VAV2: variants seen among roughly 807,000 people sequenced by gnomAD.
VAV2 encodes guanine nucleotide exchange factor VAV2.
VAV2 carries 67 observed loss-of-function variants against 132.5 expected under a neutral mutation model. That is an observed-to-expected ratio of 0.51 (90% CI 0.42 to 0.62). The LOEUF is 0.62. VAV2 is among the 20% of genes least tolerant of loss of function. The probability of loss-of-function intolerance (pLI) is 0.00; values close to 1 mark genes in which losing one functional copy is unlikely to be tolerated. For synonymous variants in VAV2, 492 were observed against 443.5 expected (o/e 1.11, Z -1.37); for missense variants, 938 against 1,153.6 (o/e 0.81, Z 2.71).
chr9:133,780,043 T>G (rs1426247188), intron 20 of VAV2, 104 bp from the exon 21 acceptor site: 2 of 1,510,368 alleles, frequency 1.3e-6, no homozygotes, highest in African/African-American at 1.4e-5. Flanking sequence ...AGTTCCTAGA[T>G]AGAGGGGTCA....
At chr9:133,813,341 G>A (rs956183140) in intron 4 of VAV2, among the ~76,000 whole-genome samples, 2 of 152,240 alleles carry the variant, frequency 1.3e-5, no homozygotes, top group African/African-American at 2.4e-5. Flanking sequence ...AGAAGCCGGG[G>A]CAGGAGCAAT....
At chr9:133,957,424 T>A (rs1286537221) in intron 1 of VAV2, among the ~76,000 whole-genome samples, 3 of 152,078 alleles carry the variant, frequency 2.0e-5, no homozygotes, top group Non-Finnish European at 2.9e-5. Flanking sequence ...TTTAGGGGTT[T>A]TTTATGTGTG....
intron 2 of VAV2, among the ~76,000 whole-genome samples, chr9:133,906,598 C>T (rs533697122): frequency 3.9e-5 from 6 of 152,278 alleles, no homozygotes; most frequent in African/African-American, 1.4e-4. Flanking sequence ...CATGGTTGGG[C>T]GGAGCCTCAA....
At chr9:133,913,674 G>C (rs907203090) in intron 2 of VAV2, among the ~76,000 whole-genome samples, 1 of 152,190 alleles carries the variant, frequency 6.6e-6, no homozygotes, top group African/African-American at 2.4e-5. Flanking sequence ...TACAGGGAGG[G>C]GGCAAAGTCA....
chr9:133,917,323 G>A (rs1182967424), intron 2 of VAV2, among the ~76,000 whole-genome samples: 3 of 152,104 alleles, frequency 2.0e-5, no homozygotes, highest in East Asian at 1.9e-4. Flanking sequence ...TACCTACGCC[G>A]ACAGGGACAA....
chr9:133,935,632 G>T lies in VAV2; in HGVS notation c.321+3471C>A, dbSNP rs975738651. Among the ~76,000 whole-genome samples, 1 of 152,222 alleles carries T rather than the reference G, an allele frequency of 6.6e-6. No homozygotes were observed. The highest frequency in any genetic ancestry group is 6.5e-5 in the Admixed American group (1 of 15,286). Reference sequence around the variant, plus strand: ...ACCTGTCCCGGAGAAGCCAGGAGGCGCTGGCAGAGCAGAACCGTCAGGCTC... The same window carrying T: ...ACCTGTCCCGGAGAAGCCAGGAGGCTCTGGCAGAGCAGAACCGTCAGGCTC... On this transcript the variant is annotated intron_variant, in intron 2 of 29. Coordinates refer to ENST00000371850, the MANE Select transcript of VAV2 (RefSeq NM_001134398.2). The surrounding 1 kb of genome is among the most constrained non-coding windows in gnomAD (Gnocchi z 5.2).
chr9:133,901,409 A>G (rs1839436715), intron 2 of VAV2, among the ~76,000 whole-genome samples: 1 of 152,204 alleles, frequency 6.6e-6, no homozygotes, highest in African/African-American at 2.4e-5. Context: ...GACTCCTCCC[A>G]TCAAGAGGCA....
chr9:133,819,358 A>C (rs1391995063), intron 4 of VAV2, among the ~76,000 whole-genome samples: 4 of 151,710 alleles, frequency 2.6e-5, no homozygotes, highest in African/African-American at 9.7e-5. Flanking sequence ...CTGAGGCAGG[A>C]GAATGGCGTG....
chr9:133,868,272 C>G (rs1209585808), intron 2 of VAV2, among the ~76,000 whole-genome samples: 1 of 152,240 alleles, frequency 6.6e-6, no homozygotes, highest in African/African-American at 2.4e-5. Context: ...CACAGCACAG[C>G]AGGCACCGCA....
At position 133,802,920 on chromosome 9, in the gene VAV2, G is replaced by C. The variant is rs187899562; in HGVS notation, c.836+3161C>G. 6.6e-6 allele frequency among the ~76,000 whole-genome samples: 1 copy of C among 152,194 alleles called. No individual in the cohort carries two copies. The highest frequency in any genetic ancestry group is 1.5e-5 in the Non-Finnish European group (1 of 68,038). ...CCTCCGTTTCCCCATCTGGGAAATG[G>C]GGGTTAGACAGAGCGGGAGCTGAGG... is the stretch of plus-strand genomic sequence containing the variant. On this transcript the variant is annotated intron_variant, in intron 9 of 29. Transcript: ENST00000371850. The surrounding 1 kb of genome is among the most constrained non-coding windows in gnomAD (Gnocchi z 5.8).
intron 9 of VAV2, among the ~76,000 whole-genome samples, chr9:133,799,419 G>A (rs1297398632): frequency 2.0e-5 from 3 of 152,206 alleles, no homozygotes; most frequent in Admixed American, 1.3e-4. Flanking sequence ...TCTGGCATGC[G>A]AGGCTGACAG....
At chr9:133,792,526 T>G (rs77410640) in intron 12 of VAV2, among the ~76,000 whole-genome samples, 52,582 of 122,110 alleles carry the variant, frequency 0.43, 9,299 homozygotes, top group South Asian at 0.48. Flanking sequence ...GGGTGTGTGT[T>G]ATTGTGTGTG....
intron 4 of VAV2, among the ~76,000 whole-genome samples, chr9:133,812,782 TAATAC>T (rs1835409017): frequency 6.6e-6 from 1 of 152,130 alleles, no homozygotes; most frequent in African/African-American, 2.4e-5. Flanking sequence ...TACCAAAATC[TAATAC>T]AATAAAGCTT....
At chr9:133,924,624 T>C (rs1248895506) in intron 2 of VAV2, among the ~76,000 whole-genome samples, 1 of 152,130 alleles carries the variant, frequency 6.6e-6, no homozygotes, top group Non-Finnish European at 1.5e-5. Context: ...CAAGAACACG[T>C]CCACTAGGAG....
intron 1 of VAV2, among the ~76,000 whole-genome samples, chr9:133,940,220 C>T (rs1841087277): frequency 6.6e-6 from 1 of 152,168 alleles, no homozygotes; most frequent in Non-Finnish European, 1.5e-5. Context: ...CCAGAGTGGG[C>T]ACTGGGGTGT....
chr9:133,888,196 G>A (rs536738337), intron 2 of VAV2, among the ~76,000 whole-genome samples: 1 of 152,362 alleles, frequency 6.6e-6, no homozygotes, highest in Admixed American at 6.5e-5. Context: ...TGGGGAGCCA[G>A]GGGCCAGGGG....
chr9:133,950,969 CCACT>C (rs1345208840), intron 1 of VAV2, among the ~76,000 whole-genome samples: 1 of 152,210 alleles, frequency 6.6e-6, no homozygotes, highest in Non-Finnish European at 1.5e-5. Flanking sequence ...CCCCCACCAC[CCACT>C]AAAATGAAAG....
rs909346780 is a variant in VAV2 at position 133,857,436 on chromosome 9, T to G, written c.380+3938A>C. Among the ~76,000 whole-genome samples, 1 of 152,190 alleles carries G rather than the reference T, an allele frequency of 6.6e-6. No individual in the cohort carries two copies. The highest frequency in any genetic ancestry group is 1.5e-5 in the Non-Finnish European group (1 of 68,034). The stretch of plus-strand genomic sequence containing the variant: ...GGGGCTTTTATGGAAAATCAGCTCA[T>G]TATGCAAAGTGCAAGGGTTGTGAAA... On this transcript the variant is annotated intron_variant, in intron 3 of 29. Coordinates refer to ENST00000371850, the MANE Select transcript of VAV2 (RefSeq NM_001134398.2). The surrounding 1 kb of genome is among the most constrained non-coding windows in gnomAD (Gnocchi z 4.0).
At chr9:133,903,763 C>T (rs879128943) in intron 2 of VAV2, among the ~76,000 whole-genome samples, 4 of 152,186 alleles carry the variant, frequency 2.6e-5, no homozygotes, top group South Asian at 2.1e-4. Context: ...GGGATGCTGG[C>T]GAGGGAAAAG....
Sources: gnomAD v4.1 joint callset for allele counts (sites outside exome capture counted in the v4.1 genomes callset) on GRCh38, gnomAD v4.1.1 for gene constraint, Gnocchi (gnomAD v3.1) non-coding constraint, MANE v1.5 for transcripts, NCBI Gene and HGNC (gene_info 2026-07-23, HGNC 2026-07-21) for gene names.